GPC6: variants seen among roughly 807,000 people sequenced by gnomAD.
GPC6 encodes the protein glypican-6.
GPC6 carries 14 observed loss-of-function variants against 55.2 expected under a neutral mutation model. The observed-to-expected ratio is 0.25, with a 90% CI of 0.17 to 0.40. GPC6 has a LOEUF of 0.40. Among genes scored for constraint, GPC6 ranks in the 10% least tolerant of loss-of-function variants. GPC6 has a pLI of 1.00. For missense variants in GPC6, 641 were observed against 708.5 expected (o/e 0.90, Z 1.08); for synonymous variants, 278 against 259.6 (o/e 1.07, Z -0.68).
At chr13:94,285,724 G>A (rs747822785) in intron 4 of GPC6, among the ~76,000 whole-genome samples, 4 of 152,050 alleles carry the variant, frequency 2.6e-5, no homozygotes, top group Non-Finnish European at 2.9e-5. Flanking sequence ...GTGTAATTTC[G>A]TCAACTTTTT....
At chr13:93,766,996 C>T (rs755782436) in intron 2 of GPC6, among the ~76,000 whole-genome samples, 5 of 151,620 alleles carry the variant, frequency 3.3e-5, no homozygotes, top group Admixed American at 6.6e-5. Context: ...TTTTCCCCCG[C>T]GGTGGTGGTG....
intron 2 of GPC6, among the ~76,000 whole-genome samples, chr13:93,626,966 G>A (rs1279800408): frequency 6.6e-6 from 1 of 152,056 alleles, no homozygotes; most frequent in Non-Finnish European, 1.5e-5. Context: ...TTACATGGCT[G>A]GATCAGGATG....
At chr13:93,241,127 T>C (rs1876414326) in intron 1 of GPC6, among the ~76,000 whole-genome samples, 1 of 152,216 alleles carries the variant, frequency 6.6e-6, no homozygotes, top group Admixed American at 6.5e-5. Flanking sequence ...CTGATATTCT[T>C]TTTGCAATGA....
chr13:94,110,460 C>T (rs563939879), intron 4 of GPC6, among the ~76,000 whole-genome samples: 3 of 151,740 alleles, frequency 2.0e-5, no homozygotes, highest in Non-Finnish European at 4.4e-5. Flanking sequence ...AAAATGGGGC[C>T]GAAGGGAGAT....
chr13:93,879,904 G>A (rs2140308808), intron 3 of GPC6, among the ~76,000 whole-genome samples: 1 of 151,512 alleles, frequency 6.6e-6, no homozygotes, highest in East Asian at 1.9e-4. Flanking sequence ...AGTGGGCGAA[G>A]GACATGAACA....
chr13:94,104,625 A>G (rs1885986432), intron 4 of GPC6, among the ~76,000 whole-genome samples: 1 of 152,208 alleles, frequency 6.6e-6, no homozygotes, highest in Non-Finnish European at 1.5e-5. Context: ...AAGTCTCAGG[A>G]TACAAAATCA....
chr13:94,350,032 T>C (rs1025978894), intron 6 of GPC6, among the ~76,000 whole-genome samples: 1 of 151,760 alleles, frequency 6.6e-6, no homozygotes, highest in East Asian at 1.9e-4. Flanking sequence ...TCTCGGAAGA[T>C]GTGCAAAGAA....
chr13:93,227,238 G>A lies in GPC6; in HGVS notation c.-219G>A. The A allele has an allele frequency of 2.0e-6, 1 of 497,538 alleles. No homozygotes were observed. Among genetic ancestry groups the A allele is most frequent in the Non-Finnish European group, 3.6e-6 (1 of 278,694 alleles). The allele number at this position is 497,538 out of a possible 1,614,324, so 30.8% of individuals were successfully genotyped here. On this transcript the variant is annotated 5_prime_UTR_variant, in exon 1 of 9. Coordinates refer to ENST00000377047, the MANE Select transcript of GPC6 (RefSeq NM_005708.5). This position sits in a 1 kb window ranked among gnomAD's most constrained non-coding sequence, Gnocchi z 4.3. ...GAGGAGCAAGGCAGCAGCCTTCCCA[G>A]CCAGCCCTTGTTGGCTTGCCATCGT...
intron 1 of GPC6, among the ~76,000 whole-genome samples, chr13:93,430,793 T>C (rs888103883): frequency 6.6e-6 from 1 of 152,158 alleles, no homozygotes; most frequent in African/African-American, 2.4e-5. Context: ...AGAGAAGAGC[T>C]ATATCACCAT....
chr13:93,988,688 C>G (rs1283003357), intron 3 of GPC6, among the ~76,000 whole-genome samples: 4 of 152,088 alleles, frequency 2.6e-5, no homozygotes, highest in East Asian at 1.9e-4. Flanking sequence ...GATCCCCACC[C>G]TCATGACCTA....
In GPC6 at chr13:94,382,478, T is replaced by C. The variant is rs572033876; in HGVS notation, c.1217T>C (p.Ile406Thr). The C allele has an allele frequency of 6.9e-5, 111 of 1,614,056 alleles. No individual in the cohort carries two copies. The highest frequency in any genetic ancestry group is 1.0e-4 in the Admixed American group (6 of 60,014). The change falls in exon 7 of 9, where the codon ATC (isoleucine) becomes ACC (threonine). Residue 406 changes from isoleucine (I) to threonine (T), a missense_variant. Physicochemically the swap from Ile to Thr is moderately conservative, Grantham distance 89. Transcript: ENST00000377047. Reference sequence around the variant, plus strand: ...GTCTGGTCAGCATTACCCTACACTATCTGCAAGGACGAGAGCGTGACAGCG... The same window carrying C: ...GTCTGGTCAGCATTACCCTACACTACCTGCAAGGACGAGAGCGTGACAGCG... ...KKVWSALPYTICKDESVTAGT... is the reference protein window; with the variant it reads ...KKVWSALPYTTCKDESVTAGT...
intron 2 of GPC6, among the ~76,000 whole-genome samples, chr13:93,747,265 A>G (rs1884427651): frequency 6.6e-6 from 1 of 152,228 alleles, no homozygotes; most frequent in Non-Finnish European, 1.5e-5. Context: ...CCAGGATGTT[A>G]AAAGAAATGA....
intron 6 of GPC6, among the ~76,000 whole-genome samples, chr13:94,331,155 C>G (rs1405654045): frequency 6.6e-6 from 1 of 152,118 alleles, no homozygotes; most frequent in Non-Finnish European, 1.5e-5. Context: ...GCTAGTCAGA[C>G]AAGTTTCTTT....
In GPC6 at chr13:93,855,310, T is replaced by G. The variant is rs1888560254; in HGVS notation, c.711+24765T>G. Among the ~76,000 whole-genome samples, 3 of 151,688 alleles carry G rather than the reference T, an allele frequency of 2.0e-5. No individual in the cohort carries two copies. The South Asian group carries it at 6.2e-4, about 31-fold the overall frequency. The stretch of plus-strand genomic sequence containing the variant: ...GCCTTTTCAGATTGGCTTCTTTGAC[T>G]TAGTCATATGTTTGTGAGGTTTCTC... On this transcript the variant is annotated intron_variant, in intron 3 of 8. Coordinates refer to ENST00000377047, the MANE Select transcript of GPC6 (RefSeq NM_005708.5).
intron 4 of GPC6, among the ~76,000 whole-genome samples, chr13:94,249,415 T>A (rs1193133431): frequency 6.6e-6 from 1 of 152,132 alleles, no homozygotes; most frequent in Non-Finnish European, 1.5e-5. Context: ...TGGTGTTTCA[T>A]TAAGTTTGTA....
chr13:94,003,220 G>A (rs1881881612), intron 3 of GPC6, among the ~76,000 whole-genome samples: 2 of 152,182 alleles, frequency 1.3e-5, no homozygotes, highest in African/African-American at 4.8e-5. Context: ...TGCCAAGAAG[G>A]TAGTGTGTCA....
intron 1 of GPC6, among the ~76,000 whole-genome samples, chr13:93,281,407 G>C (rs1464704451): frequency 6.6e-6 from 1 of 152,160 alleles, no homozygotes; most frequent in Non-Finnish European, 1.5e-5. Context: ...AAGAATAAAT[G>C]CTCCTGTACA....
chr13:93,811,583 G>T (rs77637448), intron 2 of GPC6, among the ~76,000 whole-genome samples: 1,901 of 138,444 alleles, frequency 0.014, 38 homozygotes, highest in African/African-American at 0.05. Flanking sequence ...CTTGACTGTG[G>T]ATCGGATTTT....
In GPC6 at chr13:93,485,371, T is replaced by C. The variant is rs549249613; in HGVS notation, c.161-59892T>C. ...ACCCATTCTGATAGCTCATGTTAGA[T>C]AGAGTTGGGAGGATCCCATTAGATC... On this transcript the variant is annotated intron_variant, in intron 1 of 8. Transcript: ENST00000377047. Among the ~76,000 whole-genome samples, 11 of 152,244 alleles carry C rather than the reference T, an allele frequency of 7.2e-5. 1 individual carries two copies. The highest frequency in any genetic ancestry group is 2.6e-4 in the African/African-American group (11 of 41,536).
Sources: allele counts gnomAD v4.1 joint callset (sites outside exome capture counted in the v4.1 genomes callset), GRCh38; gene constraint gnomAD v4.1.1; non-coding constraint Gnocchi (gnomAD v3.1); transcripts MANE v1.5; gene names NCBI Gene and HGNC (gene_info 2026-07-23, HGNC 2026-07-21).